AFAP1L2: variants seen among roughly 807,000 people sequenced by gnomAD.
AFAP1L2 encodes the protein actin filament associated protein 1 like 2.
AFAP1L2 carries 46 observed loss-of-function variants against 99.3 expected under a neutral mutation model. The observed-to-expected ratio is 0.46, with a 90% CI of 0.37 to 0.59. AFAP1L2 has a LOEUF of 0.59. AFAP1L2 is among the 20% of genes least tolerant of loss of function. The pLI, the probability that AFAP1L2 is intolerant of heterozygous loss-of-function variation, is 0.00. For synonymous variants in AFAP1L2, 397 were observed against 419.1 expected (o/e 0.95, Z 0.64); for missense variants, 959 against 1,034.9 (o/e 0.93, Z 1.01).
chr10:114,318,531 G>C (rs1860083), intron 5 of AFAP1L2, among the ~76,000 whole-genome samples: 94,294 of 151,650 alleles, frequency 0.62, 32,373 homozygotes, highest in East Asian at 0.91. Flanking sequence ...TTGAGGTCAG[G>C]AGTTTGAGAC....
chr10:114,388,106 G>A (rs2056727062), intron 1 of AFAP1L2, among the ~76,000 whole-genome samples: 1 of 152,194 alleles, frequency 6.6e-6, no homozygotes. Flanking sequence ...GTGGAAAATA[G>A]ATGGATCCAA....
chr10:114,298,481 C>A (rs1375962144), intron 16 of AFAP1L2, among the ~76,000 whole-genome samples: 2 of 152,172 alleles, frequency 1.3e-5, no homozygotes. Flanking sequence ...ATTCATACAC[C>A]TCTACAATTT....
chr10:114,290,763 C>T (rs895843686), downstream of AFAP1L2, among the ~76,000 whole-genome samples: 2 of 152,150 alleles, frequency 1.3e-5, no homozygotes, highest in African/African-American at 4.8e-5. Flanking sequence ...TGGGTAAATG[C>T]GGTGGTGGGA....
intron 1 of AFAP1L2, among the ~76,000 whole-genome samples, chr10:114,353,772 C>A (rs528775100): frequency 6.6e-6 from 1 of 152,188 alleles, no homozygotes; most frequent in South Asian, 2.1e-4. Flanking sequence ...TATAATGTCA[C>A]CAAGTCCTGG....
chr10:114,398,688 A>C (rs2057960391), intron 1 of AFAP1L2, among the ~76,000 whole-genome samples: 1 of 152,274 alleles, frequency 6.6e-6, no homozygotes, highest in African/African-American at 2.4e-5. Context: ...TAGTGGCAAA[A>C]GCCAGATTAG....
intron 6 of AFAP1L2, among the ~76,000 whole-genome samples, chr10:114,314,680 G>C (rs1206773460): frequency 2.0e-5 from 3 of 152,180 alleles, no homozygotes; most frequent in Non-Finnish European, 4.4e-5. Context: ...TAATTCCGTG[G>C]AATTTCAAAT....
At chr10:114,340,538 C>T (rs1037999294) in intron 2 of AFAP1L2, 65 bp downstream of exon 2, 11 of 1,548,346 alleles carry the variant, frequency 7.1e-6, no homozygotes, top group African/African-American at 4.1e-5. Flanking sequence ...TATGGCAGCC[C>T]GCACTGACTC....
At chr10:114,291,520 G>T (rs1270010316), downstream of AFAP1L2, 1 of 421,304 alleles carries the variant, frequency 2.4e-6, no homozygotes, top group East Asian at 4.7e-5. Flanking sequence ...TGTACCTGCT[G>T]TGCCTTGTTG....
In AFAP1L2 at chr10:114,304,852, T is replaced by C; in HGVS notation, c.1151A>G (p.Gln384Arg). ...GGCCACCTTGCTCCGGTTCCGGTCC[T>C]GGTAGAAGTGCAGGTGATTGTCCCT... ...SVRDNHLHFY[Q>R]DRNRSKVAQQ... is the part of the protein sequence containing the mutation. The change falls in exon 11 of 19, where the codon CAG (glutamine) becomes CGG (arginine). Residue 384 changes from glutamine (Q) to arginine (R), a missense_variant. Around this residue, in one of 2 missense-constraint regions of AFAP1L2, gnomAD observed 576 missense variants for 562.1 expected, o/e 1.02. Coordinates refer to ENST00000304129, the MANE Select transcript of AFAP1L2 (RefSeq NM_001001936.3). The C allele has an allele frequency of 4.3e-6, 7 of 1,613,484 alleles. No individual in the cohort carries two copies. Among genetic ancestry groups the C allele is most frequent in the Non-Finnish European group, 5.9e-6 (7 of 1,180,020 alleles).
chr10:114,350,066 C>T (rs1354339803), intron 1 of AFAP1L2, among the ~76,000 whole-genome samples: 2 of 152,148 alleles, frequency 1.3e-5, no homozygotes, highest in Non-Finnish European at 1.5e-5. Context: ...TGCTCACTGC[C>T]GACCTCTCCA....
chr10:114,326,884 G>A (rs936494501), intron 4 of AFAP1L2, among the ~76,000 whole-genome samples: 4 of 151,688 alleles, frequency 2.6e-5, no homozygotes, highest in Non-Finnish European at 4.4e-5. Context: ...GTAAAAATAA[G>A]AAAGGGAGAA....
the AFAP1L2 span, chr10:114,281,776 A>C: frequency 1.0e-6 from 1 of 984,648 alleles, no homozygotes; most frequent in Non-Finnish European, 1.2e-6. Flanking sequence ...TCGAAGCTTT[A>C]AGGAATACAG....
downstream of AFAP1L2, among the ~76,000 whole-genome samples, chr10:114,292,020 G>A (rs1426716154): frequency 6.6e-6 from 1 of 152,184 alleles, no homozygotes; most frequent in Non-Finnish European, 1.5e-5. Flanking sequence ...GCTCATGCCT[G>A]TAATCCCAGC....
chr10:114,312,844 C>T (rs1476654523), intron 7 of AFAP1L2, among the ~76,000 whole-genome samples: 2 of 152,200 alleles, frequency 1.3e-5, no homozygotes, highest in African/African-American at 4.8e-5. Context: ...TACCTGTCAG[C>T]ACCTTCTAGA....
rs1308195530 is a variant in AFAP1L2, at chr10:114,305,094, C to T, written c.1073-164G>A. The T allele has an allele frequency of 2.4e-4, 94 of 384,234 alleles. No individual in the cohort carries two copies. The East Asian group carries it at 2.6e-3, about 11-fold the overall frequency. The allele number at this position is 384,234 out of a possible 1,614,324, so 23.8% of individuals were successfully genotyped here. On this transcript the variant is annotated intron_variant, in intron 10 of 18. Coordinates refer to ENST00000304129, the MANE Select transcript of AFAP1L2 (RefSeq NM_001001936.3). ...GAGGGGACTGGGCTCCAGGAGGGGA[C>T]GCAGATGCAGGAGGGGACCGGGCTG...
chr10:114,289,087 G>C, the AFAP1L2 span: 1 of 1,614,188 alleles, frequency 6.2e-7, no homozygotes. Context: ...CGGCCTGGTG[G>C]TGTATGGCAG....
At chr10:114,301,325 C>T in intron 13 of AFAP1L2, 29 bp downstream of exon 13, 2 of 1,560,038 alleles carry the variant, frequency 1.3e-6, no homozygotes, top group Non-Finnish European at 1.8e-6. Context: ...CCTGGAGAGG[C>T]CCAGGCCACT....
intron 18 of AFAP1L2, 157 bp downstream of exon 18, chr10:114,296,821 G>T: frequency 7.9e-7 from 1 of 1,269,800 alleles, no homozygotes; most frequent in Non-Finnish European, 1.1e-6. Flanking sequence ...AGACTGAGCT[G>T]AAGGCATGGC....
At chr10:114,308,074 C>G (rs943094391) in intron 9 of AFAP1L2, among the ~76,000 whole-genome samples, 165 bp from the exon 10 acceptor site, 6 of 152,176 alleles carry the variant, frequency 3.9e-5, no homozygotes, top group Non-Finnish European at 7.3e-5. Context: ...CTCCTCAAAC[C>G]AGGACCTGCA....
Sources: allele counts gnomAD v4.1 joint callset (sites outside exome capture counted in the v4.1 genomes callset), GRCh38; gene constraint gnomAD v4.1.1; regional missense constraint gnomAD v4.1.1; transcripts MANE v1.5; gene names NCBI Gene and HGNC (gene_info 2026-07-23, HGNC 2026-07-21).